The following KCNQ4 variants were observed in gnomAD, a reference collection of about 807,000 sequenced individuals.
KCNQ4 encodes potassium voltage-gated channel subfamily Q member 4.
KCNQ4 carries 31 observed loss-of-function variants against 72.6 expected under a neutral mutation model. The ratio of observed to expected loss-of-function variants is 0.43; its 90% CI spans 0.32 to 0.58. The LOEUF (loss-of-function observed/expected upper bound fraction) is 0.58. Among genes scored for constraint, KCNQ4 ranks in the 20% least tolerant of loss-of-function variants. KCNQ4 has a pLI of 0.08. For synonymous variants in KCNQ4, 405 were observed against 403.7 expected, an observed-to-expected ratio of 1.00 and a Z score of -0.04; for missense variants, 869 against 962.6, an observed-to-expected ratio of 0.90 and a Z score of 1.29.
intron 1 of KCNQ4, among the ~76,000 whole-genome samples, chr1:40,799,071 C>T (rs943192162): frequency 7.2e-5 from 11 of 152,258 alleles, no homozygotes; most frequent in African/African-American, 2.4e-4. Flanking sequence ...TGGCCAGGGC[C>T]GTGGGAGAGG....
chr1:40,827,852 A>G (rs890958729), intron 9 of KCNQ4, among the ~76,000 whole-genome samples: 2 of 152,374 alleles, frequency 1.3e-5, no homozygotes, highest in African/African-American at 4.8e-5. Context: ...ACCTGGCTCC[A>G]ATAAATATTG....
intron 3 of KCNQ4, 50 bp from the exon 4 acceptor site, chr1:40,818,455 T>C: frequency 6.9e-7 from 1 of 1,453,644 alleles, no homozygotes; most frequent in South Asian, 1.1e-5. Flanking sequence ...CGCCTCCGGG[T>C]CCGTGCGCGG....
chr1:40,801,595 A>AG (rs1476762324), intron 1 of KCNQ4, among the ~76,000 whole-genome samples: 2 of 152,202 alleles, frequency 1.3e-5, no homozygotes, highest in Non-Finnish European at 1.5e-5. Context: ...GCTTACATTG[A>AG]GGGGGGCGGG....
rs201271940 is a variant in KCNQ4 at position 40,831,113 on chromosome 1, G to A, written c.1322G>A (p.Arg441His). Reference protein sequence around the residue: ...SSRMGIKDRIRMGSSQRRTGP... With the variant: ...SSRMGIKDRIHMGSSQRRTGP... ...CGGATGGGCATCAAAGACCGCATCCGCATGGGCAGCTCCCAGCGGCGGACG... is the reference window on the plus strand; with the variant it reads ...CGGATGGGCATCAAAGACCGCATCCACATGGGCAGCTCCCAGCGGCGGACG... The change falls in exon 10 of 14, where the codon CGC becomes CAC. Residue 441 changes from arginine (R) to histidine (H), a missense_variant. By Grantham distance (29) the Arg-to-His change is conservative. This residue lies in a region of KCNQ4 where 480 missense variants were observed against 501.9 expected (regional missense o/e 0.96). Coordinates refer to ENST00000347132, the MANE Select transcript of KCNQ4 (RefSeq NM_004700.4). 2.8e-5 allele frequency: 45 copies of A among 1,605,882 alleles called. No individual in the cohort carries two copies. Among genetic ancestry groups the A allele is most frequent in the Non-Finnish European group, 3.6e-5 (42 of 1,176,334 alleles).
Position 40,838,750 on chromosome 1 carries a change from AGCGGCCGTCCC to A in KCNQ4, c.*234_*244del. On this transcript the variant is annotated 3_prime_UTR_variant, in exon 14 of 14. Transcript: ENST00000347132. ...GCCAGGTCGCACAGAGGGCAGCAGC[AGCGGCCGTCCC>A]GCGGCCTCTGGGCCCCCCAGTGCCC... is the stretch of plus-strand genomic sequence containing the variant. The A allele has an allele frequency of 1.7e-6, 1 of 604,676 alleles. No individual in the cohort carries two copies. The highest frequency in any genetic ancestry group is 2.7e-5 in the Admixed American group (1 of 36,456). The allele number at this position is 604,676 out of a possible 1,614,324, so 37.5% of individuals were successfully genotyped here.
At chr1:40,837,105 T>TG (rs1648826118) in intron 12 of KCNQ4, among the ~76,000 whole-genome samples, 1 of 148,100 alleles carries the variant, frequency 6.8e-6, no homozygotes, top group Non-Finnish European at 1.5e-5. Context: ...TTTTTTTTTT[T>TG]GAGACAGTAT....
intron 1 of KCNQ4, among the ~76,000 whole-genome samples, chr1:40,813,099 A>G (rs971008842): frequency 1.3e-5 from 2 of 152,192 alleles, no homozygotes; most frequent in African/African-American, 4.8e-5. Context: ...AGGCCAGAAT[A>G]AGTGGGGTGC....
Position 40,817,824 on chromosome 1 carries a change from C to T in KCNQ4, c.406-340C>T, listed in dbSNP as rs1324107791. The stretch of plus-strand genomic sequence containing the variant: ...AAACACAAAACACCAAATGGAAGCC[C>T]CTCAGAGGGAGACAGCTGACAGCCA... On this transcript the variant is annotated intron_variant, in intron 2 of 13. Transcript: ENST00000347132. This position sits in a 1 kb window ranked among gnomAD's most constrained non-coding sequence, Gnocchi z 5.5. Among the ~76,000 whole-genome samples the T allele has an allele frequency of 6.6e-6, 1 of 152,160 alleles. No homozygotes were observed. The highest frequency in any genetic ancestry group is 1.5e-5 in the Non-Finnish European group (1 of 68,018).
At chr1:40,789,181 G>T (rs1276141733) in intron 1 of KCNQ4, among the ~76,000 whole-genome samples, 1 of 152,144 alleles carries the variant, frequency 6.6e-6, no homozygotes, top group East Asian at 1.9e-4. Flanking sequence ...GTAGAACTTC[G>T]CTGGCGTTTG....
chr1:40,786,286 A>G (rs1647202166), intron 1 of KCNQ4, among the ~76,000 whole-genome samples: 1 of 152,188 alleles, frequency 6.6e-6, no homozygotes, highest in Non-Finnish European at 1.5e-5. Context: ...TTACCCCCCC[A>G]GGCTTGGCCT....
At chr1:40,833,465 T>C (rs1383346891) in intron 11 of KCNQ4, among the ~76,000 whole-genome samples, 2 of 152,108 alleles carry the variant, frequency 1.3e-5, no homozygotes, top group African/African-American at 2.4e-5. Flanking sequence ...TGAAAGCCCC[T>C]GCTCTACTGG....
At chr1:40,823,045 C>T (rs903379037) in intron 8 of KCNQ4, among the ~76,000 whole-genome samples, 1 of 152,230 alleles carries the variant, frequency 6.6e-6, no homozygotes, top group Non-Finnish European at 1.5e-5. Context: ...GAGCCCAGCT[C>T]GGTCCCACGG....
intron 1 of KCNQ4, among the ~76,000 whole-genome samples, chr1:40,810,131 C>G (rs1334608864): frequency 6.6e-6 from 1 of 152,126 alleles, no homozygotes; most frequent in Non-Finnish European, 1.5e-5. Flanking sequence ...GAGAATGCTA[C>G]TCAAGGCCCC....
Position 40,831,181 on chromosome 1 carries a change from T to A in KCNQ4, c.1390T>A (p.Ser464Thr). ...TCTGGCACCTCCAACAATGCCCACC[T>A]CCCCAAGCAGCGAGCAGGTGGGTGA... ...QHLAPPTMPT[S>T]PSSEQVGEAT... The change falls in exon 10 of 14, where the codon TCC becomes ACC. Residue 464 changes from serine (S) to threonine (T), a missense_variant. Transcript: ENST00000347132. 6.2e-7 allele frequency: 1 copy of A among 1,610,964 alleles called. No homozygotes were observed. The highest frequency in any genetic ancestry group is 1.7e-4 in the Middle Eastern group (1 of 6,056).
chr1:40,809,322 C>G (rs558054613), intron 1 of KCNQ4, among the ~76,000 whole-genome samples: 2 of 152,276 alleles, frequency 1.3e-5, no homozygotes, highest in Admixed American at 1.3e-4. Context: ...CAGTCACCAC[C>G]TCTACCCTGA....
At chr1:40,804,157 C>G (rs1470944379) in intron 1 of KCNQ4, among the ~76,000 whole-genome samples, 1 of 152,228 alleles carries the variant, frequency 6.6e-6, no homozygotes, top group Non-Finnish European at 1.5e-5. Context: ...GTTCAAGTAG[C>G]TGGGAAACTG....
rs957566343 is a variant in KCNQ4, at chr1:40,787,905, C to T, written c.314+3498C>T. Among the ~76,000 whole-genome samples the T allele has an allele frequency of 2.6e-5, 4 of 152,326 alleles. No homozygotes were observed. In the South Asian group the frequency reaches 8.3e-4, roughly 32 times the overall value. On this transcript the variant is annotated intron_variant, in intron 1 of 13. Transcript: ENST00000347132. ...GAGGGGGCTGAGCAAGACCCTATCT[C>T]CCTTCATCCTCCCCAGCCACTATGA...
At chr1:40,818,732 C>A (rs769458549) in intron 4 of KCNQ4, 52 bp downstream of exon 4, 9 of 1,543,380 alleles carry the variant, frequency 5.8e-6, no homozygotes, top group Non-Finnish European at 7.8e-6. Context: ...TGGGGCACGA[C>A]CAGAGCGGGC....
chr1:40,821,069 G>A (rs543104634), intron 7 of KCNQ4, among the ~76,000 whole-genome samples: 54 of 152,298 alleles, frequency 3.5e-4, no homozygotes, highest in Admixed American at 5.2e-4. Flanking sequence ...CCTCCTCCCT[G>A]TCGCTGTTAT....
Sources: allele counts gnomAD v4.1 joint callset (sites outside exome capture counted in the v4.1 genomes callset), GRCh38; gene constraint gnomAD v4.1.1; regional missense constraint gnomAD v4.1.1; non-coding constraint Gnocchi (gnomAD v3.1); transcripts MANE v1.5; gene names NCBI Gene and HGNC (gene_info 2026-07-23, HGNC 2026-07-21).